The following POC1A variants were observed in gnomAD, a reference collection of about 807,000 sequenced individuals.
The protein encoded by POC1A is POC1 centriolar protein homolog A.
A neutral mutation model predicts 47.8 loss-of-function variants in POC1A; 34 were observed. That is an observed-to-expected ratio of 0.71 (90% CI 0.54 to 0.95). The LOEUF is 0.95. POC1A is among the 40% of genes least tolerant of loss of function. The probability of loss-of-function intolerance (pLI) is 0.00; values close to 1 mark genes in which losing one functional copy is unlikely to be tolerated. For synonymous variants in POC1A, 177 were observed against 207.6 expected, an observed-to-expected ratio of 0.85 and a Z score of 1.27; for missense variants, 466 against 528.3, an observed-to-expected ratio of 0.88 and a Z score of 1.16.
chr3:52,139,686 T>C (rs1170333923), intron 6 of POC1A, among the ~76,000 whole-genome samples: 2 of 152,200 alleles, frequency 1.3e-5, no homozygotes, highest in Admixed American at 6.5e-5. Context: ...CATGAGACCA[T>C]GAACTCCATC....
intron 7 of POC1A, among the ~76,000 whole-genome samples, chr3:52,136,118 C>T (rs899559575): frequency 1.3e-5 from 2 of 152,200 alleles, no homozygotes; most frequent in Non-Finnish European, 2.9e-5. Context: ...GGGGTTCCTA[C>T]ACCTGGATAC....
intron 9 of POC1A, among the ~76,000 whole-genome samples, chr3:52,098,781 A>G (rs953856083): frequency 1.3e-5 from 2 of 152,340 alleles, no homozygotes; most frequent in Non-Finnish European, 2.9e-5. Context: ...AGCAATCGCC[A>G]TGGTTTACTT....
intron 9 of POC1A, among the ~76,000 whole-genome samples, chr3:52,108,765 A>T (rs755883030): frequency 1.3e-5 from 2 of 152,204 alleles, no homozygotes; most frequent in Non-Finnish European, 2.9e-5. Flanking sequence ...GGAGTTGCAG[A>T]AGGCTGTGTC....
chr3:52,095,211 T>C (rs1702770873), intron 10 of POC1A, among the ~76,000 whole-genome samples: 1 of 152,184 alleles, frequency 6.6e-6, no homozygotes, highest in Non-Finnish European at 1.5e-5. Context: ...CTCACATCTC[T>C]CTCAGCACAT....
At chr3:52,143,391 C>T (rs113817445) in intron 6 of POC1A, among the ~76,000 whole-genome samples, 2,511 of 152,214 alleles carry the variant, frequency 0.016, 59 homozygotes, top group African/African-American at 0.053. Flanking sequence ...CCGCTCTCCT[C>T]GGCTGCTCTG....
At chr3:52,127,476 C>T (rs113266530) in intron 7 of POC1A, among the ~76,000 whole-genome samples, 1,946 of 151,410 alleles carry the variant, frequency 0.013, 35 homozygotes, top group African/African-American at 0.042. Flanking sequence ...CAGCAAGCTC[C>T]GCCTCCTGGG....
At chr3:52,109,696 T>A (rs1703314792) in intron 9 of POC1A, among the ~76,000 whole-genome samples, 1 of 152,128 alleles carries the variant, frequency 6.6e-6, no homozygotes. Context: ...AAGCCCCTGA[T>A]GGCAACGAGT....
intron 10 of POC1A, among the ~76,000 whole-genome samples, chr3:52,076,370 CACTGTCCATAAACA>C (rs1702116758): frequency 2.0e-5 from 3 of 152,220 alleles, no homozygotes; most frequent in Admixed American, 6.5e-5. Context: ...CTGAGCCAGG[CACTGTCCATAAACA>C]ACTGGAGACC....
rs1211325913 is a variant in POC1A at position 52,075,656 on chromosome 3, T to A, written c.*231A>T. 9 of 439,508 alleles carry A rather than the reference T, an allele frequency of 2.0e-5. No individual in the cohort carries two copies. Among genetic ancestry groups the A allele is most frequent in the Non-Finnish European group, 3.8e-5 (9 of 234,444 alleles). 27.2% of individuals were successfully genotyped at this position (439,508 alleles called of 1,614,324 possible). A position where few individuals can be genotyped will look rare whatever the true frequency, so the allele number is the denominator to read the frequency against. ...GCAAAATGTGGTCCTCTCATTCGGG[T>A]CTGAAGCATCATTTGTGTGTGAGCC... On this transcript the variant is annotated 3_prime_UTR_variant, in exon 11 of 11. Coordinates refer to ENST00000296484, the MANE Select transcript of POC1A (RefSeq NM_015426.5).
At chr3:52,148,448 C>A (rs1698440763) in intron 4 of POC1A, among the ~76,000 whole-genome samples, 1 of 152,242 alleles carries the variant, frequency 6.6e-6, no homozygotes, top group African/African-American at 2.4e-5. Context: ...GGCACCCCAA[C>A]CCCTTCCTCT....
At chr3:52,105,186 C>T in intron 9 of POC1A, among the ~76,000 whole-genome samples, 1 of 152,220 alleles carries the variant, frequency 6.6e-6, no homozygotes, top group East Asian at 1.9e-4. Context: ...CCCAGGTGAA[C>T]AGCATGTCTG....
At chr3:52,080,521 A>G (rs1461484432) in intron 10 of POC1A, among the ~76,000 whole-genome samples, 1 of 151,972 alleles carries the variant, frequency 6.6e-6, no homozygotes, top group Non-Finnish European at 1.5e-5. Context: ...GTCAGGCCTC[A>G]TGTGTCACCT....
chr3:52,140,899 G>A (rs1698170362), intron 6 of POC1A, among the ~76,000 whole-genome samples: 1 of 152,256 alleles, frequency 6.6e-6, no homozygotes, highest in Non-Finnish European at 1.5e-5. Context: ...ATGAGGGCAT[G>A]AGCCTTCTAT....
intron 7 of POC1A, among the ~76,000 whole-genome samples, chr3:52,133,311 C>G (rs1022241643): frequency 2.0e-5 from 3 of 152,198 alleles, no homozygotes; most frequent in Non-Finnish European, 2.9e-5. Flanking sequence ...GTACCTTGAT[C>G]TGGGACTTCC....
At chr3:52,132,399 C>G (rs1704245850) in intron 7 of POC1A, among the ~76,000 whole-genome samples, 1 of 152,182 alleles carries the variant, frequency 6.6e-6, no homozygotes, top group Non-Finnish European at 1.5e-5. Flanking sequence ...AGCTAAGTAT[C>G]ATCCCCCACC....
intron 7 of POC1A, among the ~76,000 whole-genome samples, chr3:52,126,484 A>T (rs1704006905): frequency 6.6e-6 from 1 of 152,220 alleles, no homozygotes; most frequent in African/African-American, 2.4e-5. Flanking sequence ...GAAAAAAGCA[A>T]GTACAACACT....
chr3:52,106,180 CAAAAAAAA>C (rs11350232), intron 9 of POC1A, among the ~76,000 whole-genome samples: 1 of 73,576 alleles, frequency 1.4e-5, no homozygotes, highest in Non-Finnish European at 2.7e-5. Flanking sequence ...GACTACGTCT[CAAAAAAAA>C]AAAAAAAAAA....
intron 7 of POC1A, among the ~76,000 whole-genome samples, chr3:52,129,233 C>T (rs572535830): frequency 6.6e-6 from 1 of 152,210 alleles, no homozygotes; most frequent in African/African-American, 2.4e-5. Flanking sequence ...GAGCCGAGAT[C>T]ATGTCATTGC....
At chr3:52,104,975 T>G (rs909159641) in intron 9 of POC1A, among the ~76,000 whole-genome samples, 1 of 152,256 alleles carries the variant, frequency 6.6e-6, no homozygotes, top group Non-Finnish European at 1.5e-5. Context: ...TCTTAACACC[T>G]GCTCAAGGTG....
Sources: gnomAD v4.1 joint callset for allele counts (sites outside exome capture counted in the v4.1 genomes callset) on GRCh38, gnomAD v4.1.1 for gene constraint, MANE v1.5 for transcripts, NCBI Gene and HGNC (gene_info 2026-07-23, HGNC 2026-07-21) for gene names.